Variants in UGT2B17 observed in about 807,000 individuals in gnomAD.
UGT2B17 encodes the protein UDP glucuronosyltransferase family 2 member B17.
In UGT2B17, 21 loss-of-function variants were observed where a neutral mutation model predicts 48.2. The ratio of observed to expected loss-of-function variants is 0.44; its 90% CI spans 0.31 to 0.63. The LOEUF is 0.63. Among genes scored for constraint, UGT2B17 ranks in the 20% least tolerant of loss-of-function variants. The pLI is 0.08. For synonymous variants in UGT2B17, 146 were observed against 238.4 expected (o/e 0.61, Z 3.57); for missense variants, 402 against 696.1 (o/e 0.58, Z 4.75).
chr4:68,574,322 T>C (rs1234462552), intron 1 of UGT2B17, among the ~76,000 whole-genome samples: 1 of 127,028 alleles, frequency 7.9e-6, no homozygotes, highest in Non-Finnish European at 1.7e-5. Context: ...TTTACTTTTA[T>C]ATTAGTGTGT....
rs780088694 is a variant in UGT2B17 at position 68,572,021 on chromosome 4, C to A, written c.-64-3473G>T. On this transcript the variant is annotated intron_variant, in intron 1 of 6. Coordinates refer to ENST00000317746, the MANE Select transcript of UGT2B17 (RefSeq NM_001077.4). ...TTATCAATTCTAAAAGGTTGTAGCT[C>A]CTATTCATGCAAGAGGGGCTGAGTT... Among the ~76,000 whole-genome samples the A allele has an allele frequency of 2.4e-5, 3 of 125,148 alleles. 1 individual carries two copies. Among genetic ancestry groups the A allele is most frequent in the Non-Finnish European group, 5.1e-5 (3 of 59,208 alleles). 82.1% of individuals were successfully genotyped at this position (125,148 alleles called of 152,430 possible).
In UGT2B17 at chr4:68,572,342, T is replaced by G. The variant is rs1290073650; in HGVS notation, c.-65+3609A>C. ...GAAAAGGAGCAGTCCTTAATTTTAT[T>G]TTAAAAACTGTGATCATGGGAGGCT... On this transcript the variant is annotated intron_variant, in intron 1 of 6. Transcript: ENST00000317746. Among the ~76,000 whole-genome samples the G allele has an allele frequency of 7.9e-5, 10 of 126,754 alleles. 1 individual carries two copies. The highest frequency in any genetic ancestry group is 2.4e-4 in the African/African-American group (9 of 36,950). 83.2% of individuals were successfully genotyped at this position (126,754 alleles called of 152,430 possible). A position where few individuals can be genotyped will look rare whatever the true frequency, so the allele number is the denominator to read the frequency against.
rs1298309931 is a variant in UGT2B17, at chr4:68,576,084, C to A, written c.-198G>T. On this transcript the variant is annotated 5_prime_UTR_variant, in exon 1 of 7. Coordinates refer to ENST00000317746, the MANE Select transcript of UGT2B17 (RefSeq NM_001077.4). ...TGGGGCAATTTCCTACCCAGGAGCG[C>A]TCTTTGGATCTCATCACTCAGGCTG... Among the ~76,000 whole-genome samples the A allele has an allele frequency of 1.6e-5, 2 of 124,792 alleles. 1 individual carries two copies. Among genetic ancestry groups the A allele is most frequent in the Non-Finnish European group, 3.4e-5 (2 of 59,076 alleles). 81.9% of individuals were successfully genotyped at this position (124,792 alleles called of 152,430 possible). A position where few individuals can be genotyped will look rare whatever the true frequency, so the allele number is the denominator to read the frequency against.
At position 68,543,390 on chromosome 4, in the gene UGT2B17, G is replaced by C. The variant is rs1426935422; in HGVS notation, c.1314-5486C>G. ...AGCTGAGGGTCCTGACTGTTAGAAG[G>C]AAAACTAACAAACGGAAAGGACATC... On this transcript the variant is annotated intron_variant, in intron 6 of 6. Transcript: ENST00000317746. 9.3e-4 allele frequency among the ~76,000 whole-genome samples: 117 copies of C among 125,988 alleles called. 39 individuals are homozygous for C. In the Admixed American group the frequency reaches 9.6e-3, roughly 10 times the overall value. 82.7% of individuals were successfully genotyped at this position (125,988 alleles called of 152,430 possible).
chr4:68,540,461 C>G lies in UGT2B17; in HGVS notation c.1314-2557G>C, dbSNP rs1182622244. ...GCCTCAAACTCCTGAGGAGCTGGGACTACAGGTGCACACCACCATGCCTAG... is the reference window on the plus strand; with the variant it reads ...GCCTCAAACTCCTGAGGAGCTGGGAGTACAGGTGCACACCACCATGCCTAG... On this transcript the variant is annotated intron_variant, in intron 6 of 6. Coordinates refer to ENST00000317746, the MANE Select transcript of UGT2B17 (RefSeq NM_001077.4). 1.6e-5 allele frequency among the ~76,000 whole-genome samples: 2 copies of G among 125,526 alleles called. 1 individual carries two copies. Among genetic ancestry groups the G allele is most frequent in the Non-Finnish European group, 3.4e-5 (2 of 59,270 alleles). The allele number at this position is 125,526 out of a possible 152,430, so 82.3% of individuals were successfully genotyped here.
chr4:68,537,274 T>A lies in UGT2B17; in HGVS notation c.*351A>T. 2 of 136,380 alleles carry A rather than the reference T, an allele frequency of 1.5e-5. 1 individual carries two copies. Among genetic ancestry groups the A allele is most frequent in the Non-Finnish European group, 3.0e-5 (2 of 66,884 alleles). The allele number at this position is 136,380 out of a possible 1,614,324, so 8.4% of individuals were successfully genotyped here. A position where few individuals can be genotyped will look rare whatever the true frequency, so the allele number is the denominator to read the frequency against. The stretch of plus-strand genomic sequence containing the variant: ...TATTCTGAGTATTTGCAAAACAATG[T>A]TGATACTATGAGTGGAGTTGTTAAT... On this transcript the variant is annotated 3_prime_UTR_variant, in exon 7 of 7. Coordinates refer to ENST00000317746, the MANE Select transcript of UGT2B17 (RefSeq NM_001077.4).
At chr4:68,558,551 G>C (rs1343275247) in intron 4 of UGT2B17, among the ~76,000 whole-genome samples, 4 of 125,508 alleles carry the variant, frequency 3.2e-5, no homozygotes, top group African/African-American at 1.1e-4. Flanking sequence ...AATTTTAAAG[G>C]ATTGTTCTTT....
intron 3 of UGT2B17, among the ~76,000 whole-genome samples, chr4:68,563,715 G>A (rs1731143896): frequency 7.9e-6 from 1 of 125,996 alleles, no homozygotes; most frequent in African/African-American, 2.7e-5. Flanking sequence ...TAAGATAAGA[G>A]TACACAGAAT....
chr4:68,564,293 TA>T lies in UGT2B17; in HGVS notation c.873+1278del, dbSNP rs199764590. Reference sequence around the variant, plus strand: ...AATTTCATATATATATATATATATATATTTTTTTTTTTTGAGACAGAGTCTC... The same window carrying T: ...AATTTCATATATATATATATATATATTTTTTTTTTTTTGAGACAGAGTCTC... On this transcript the variant is annotated intron_variant, in intron 3 of 6. Transcript: ENST00000317746. 2.0e-3 allele frequency among the ~76,000 whole-genome samples: 163 copies of T among 83,410 alleles called. 22 individuals are homozygous for T. Among genetic ancestry groups the T allele is most frequent in the African/African-American group, 4.8e-3 (75 of 15,620 alleles). The allele number at this position is 83,410 out of a possible 152,430, so 54.7% of individuals were successfully genotyped here. A position where few individuals can be genotyped will look rare whatever the true frequency, so the allele number is the denominator to read the frequency against.
chr4:68,552,950 A>T (rs1161781929), intron 4 of UGT2B17, among the ~76,000 whole-genome samples: 1 of 124,564 alleles, frequency 8.0e-6, no homozygotes, highest in African/African-American at 2.7e-5. Flanking sequence ...CACTCCCAGG[A>T]GGGAGGATAA....
chr4:68,564,020 G>A (rs1299075873), intron 3 of UGT2B17, among the ~76,000 whole-genome samples: 1 of 124,400 alleles, frequency 8.0e-6, no homozygotes, highest in African/African-American at 2.7e-5. Flanking sequence ...CAACTTAAGT[G>A]TTTTATCTGT....
Position 68,537,536 on chromosome 4 carries a change from A to G in UGT2B17, c.*89T>C. The G allele has an allele frequency of 8.7e-7, 1 of 1,144,534 alleles. No homozygotes were observed. Among genetic ancestry groups the G allele is most frequent in the Non-Finnish European group, 1.1e-6 (1 of 895,502 alleles). 70.9% of individuals were successfully genotyped at this position (1,144,534 alleles called of 1,614,324 possible). A position where few individuals can be genotyped will look rare whatever the true frequency, so the allele number is the denominator to read the frequency against. On this transcript the variant is annotated 3_prime_UTR_variant, in exon 7 of 7. Coordinates refer to ENST00000317746, the MANE Select transcript of UGT2B17 (RefSeq NM_001077.4). ...TGTGAAAAGACGTTTTGTCGCAGGA[A>G]AAAGGAAATCCTCCATTTAAAACCC...
intron 6 of UGT2B17, among the ~76,000 whole-genome samples, chr4:68,549,428 C>A (rs1730876990): frequency 8.2e-6 from 1 of 121,478 alleles, no homozygotes. Context: ...GTATCTATAA[C>A]ATATTAATAA....
chr4:68,562,241 G>C (rs1731117421), intron 3 of UGT2B17, among the ~76,000 whole-genome samples: 1 of 123,840 alleles, frequency 8.1e-6, no homozygotes, highest in Non-Finnish European at 1.7e-5. Context: ...TCAGCCTCCT[G>C]AGTAGCTGGG....
chr4:68,562,633 G>A lies in UGT2B17; in HGVS notation c.874-1965C>T, dbSNP rs1346960949. On this transcript the variant is annotated intron_variant, in intron 3 of 6. Transcript: ENST00000317746. ...ATCAGCACTGATCTCATTCTGTGACGTCTTTATGAAAGCAATGGTAATAGA... is the reference window on the plus strand; with the variant it reads ...ATCAGCACTGATCTCATTCTGTGACATCTTTATGAAAGCAATGGTAATAGA... 3.2e-5 allele frequency among the ~76,000 whole-genome samples: 4 copies of A among 125,922 alleles called. 2 individuals are homozygous for A. Among genetic ancestry groups the A allele is most frequent in the South Asian group, 7.4e-4 (2 of 2,710 alleles). 82.6% of individuals were successfully genotyped at this position (125,922 alleles called of 152,430 possible). A position where few individuals can be genotyped will look rare whatever the true frequency, so the allele number is the denominator to read the frequency against.
chr4:68,548,662 GTC>G, intron 6 of UGT2B17, among the ~76,000 whole-genome samples: 1 of 117,432 alleles, frequency 8.5e-6, no homozygotes, highest in Non-Finnish European at 1.8e-5. Context: ...ATTTGTTTGT[GTC>G]CTCTCTTAAT....
In UGT2B17 at chr4:68,573,451, G is replaced by A. The variant is rs1161287049; in HGVS notation, c.-65+2500C>T. Among the ~76,000 whole-genome samples the A allele has an allele frequency of 2.4e-5, 3 of 122,492 alleles. 1 individual carries two copies. The highest frequency in any genetic ancestry group is 8.5e-5 in the African/African-American group (3 of 35,466). The allele number at this position is 122,492 out of a possible 152,430, so 80.4% of individuals were successfully genotyped here. ...AGTTTATCTAATCTACATTTTTATTGACTGTTATCTACTAAAATATTGACT... is the reference window on the plus strand; with the variant it reads ...AGTTTATCTAATCTACATTTTTATTAACTGTTATCTACTAAAATATTGACT... On this transcript the variant is annotated intron_variant, in intron 1 of 6. Coordinates refer to ENST00000317746, the MANE Select transcript of UGT2B17 (RefSeq NM_001077.4).
At chr4:68,564,200 A>G (rs1731152761) in intron 3 of UGT2B17, among the ~76,000 whole-genome samples, 1 of 120,004 alleles carries the variant, frequency 8.3e-6, no homozygotes, top group African/African-American at 2.9e-5. Context: ...TTGAAAGGAA[A>G]TCTGATCATA....
chr4:68,574,768 C>A lies in UGT2B17; in HGVS notation c.-65+1183G>T, dbSNP rs537081233. Among the ~76,000 whole-genome samples the A allele has an allele frequency of 1.7e-4, 22 of 126,178 alleles. 5 individuals carry two copies. Among genetic ancestry groups the A allele is most frequent in the Admixed American group, 4.9e-4 (6 of 12,338 alleles). The allele number at this position is 126,178 out of a possible 152,430, so 82.8% of individuals were successfully genotyped here. A position where few individuals can be genotyped will look rare whatever the true frequency, so the allele number is the denominator to read the frequency against. ...GCCTTATTACTTTTAAATTATGCAA[C>A]ATTTTTTGCATAAAATTTTTTATAA... On this transcript the variant is annotated intron_variant, in intron 1 of 6. Transcript: ENST00000317746.
Sources: allele counts gnomAD v4.1 joint callset (sites outside exome capture counted in the v4.1 genomes callset), GRCh38; gene constraint gnomAD v4.1.1; transcripts MANE v1.5; gene names NCBI Gene and HGNC (gene_info 2026-07-23, HGNC 2026-07-21).